Variants in CDH18 observed in about 807,000 individuals in gnomAD.
CDH18 encodes the protein cadherin 18.
A neutral mutation model predicts 67.9 loss-of-function variants in CDH18; 31 were observed. The observed-to-expected ratio is 0.46, with a 90% CI of 0.34 to 0.62. The LOEUF is 0.62. CDH18 is among the 20% of genes least tolerant of loss of function. The probability of loss-of-function intolerance (pLI) is 0.01; values close to 1 mark genes in which losing one functional copy is unlikely to be tolerated. For synonymous variants in CDH18, 362 were observed against 347.2 expected (o/e 1.04, Z -0.48); for missense variants, 890 against 975.5 (o/e 0.91, Z 1.17).
chr5:20,287,789 G>A (rs1029432190), intron 1 of CDH18, among the ~76,000 whole-genome samples: 8 of 151,386 alleles, frequency 5.3e-5, no homozygotes, highest in African/African-American at 1.5e-4. Context: ...ACAAATCAAC[G>A]TTGTGACTTC....
chr5:19,561,256 C>A (rs1397772641), intron 8 of CDH18, among the ~76,000 whole-genome samples: 1 of 152,072 alleles, frequency 6.6e-6, no homozygotes, highest in Non-Finnish European at 1.5e-5. Flanking sequence ...AGGGAACCAG[C>A]CCAAATGCCC....
chr5:20,284,392 T>A (rs1361975771), intron 1 of CDH18, among the ~76,000 whole-genome samples: 1 of 152,058 alleles, frequency 6.6e-6, no homozygotes, highest in Admixed American at 6.6e-5. Context: ...AAATAAAAAT[T>A]ATAAAAATGT....
At chr5:20,050,496 T>A (rs1741323535) in intron 2 of CDH18, among the ~76,000 whole-genome samples, 1 of 151,874 alleles carries the variant, frequency 6.6e-6, no homozygotes, top group Non-Finnish European at 1.5e-5. Flanking sequence ...TTGTAGTTAT[T>A]TTTGAAATGT....
chr5:20,449,654 A>G (rs1185887217), intron 1 of CDH18, among the ~76,000 whole-genome samples: 1 of 152,036 alleles, frequency 6.6e-6, no homozygotes, highest in Non-Finnish European at 1.5e-5. Flanking sequence ...GTATGTACAC[A>G]TTTATATGTA....
intron 2 of CDH18, among the ~76,000 whole-genome samples, chr5:19,960,586 T>TATATATATATACACACAC (rs1357426735): frequency 0.054 from 7,196 of 132,484 alleles, 864 homozygotes; most frequent in African/African-American, 0.2. Context: ...TGTGTGTGTG[T>TATATATATATACACACAC]GTGTATATAT....
chr5:20,504,818 A>G (rs1440562230), intron 1 of CDH18, among the ~76,000 whole-genome samples: 1 of 121,524 alleles, frequency 8.2e-6, no homozygotes, highest in Non-Finnish European at 1.6e-5. Flanking sequence ...CCCAGGCTGG[A>G]GTGCAGTGGC....
chr5:20,346,611 C>T (rs1740719880), intron 1 of CDH18, among the ~76,000 whole-genome samples: 1 of 152,098 alleles, frequency 6.6e-6, no homozygotes, highest in Non-Finnish European at 1.5e-5. Flanking sequence ...CTATACTGCA[C>T]AGTGGTGCGA....
chr5:20,104,265 A>G (rs1746731087), intron 2 of CDH18, among the ~76,000 whole-genome samples: 1 of 152,120 alleles, frequency 6.6e-6, no homozygotes, highest in Admixed American at 6.6e-5. Flanking sequence ...ATAGGCCTCT[A>G]CTGAACAAAT....
intron 1 of CDH18, among the ~76,000 whole-genome samples, chr5:20,276,098 G>C (rs1463029484): frequency 2.0e-5 from 3 of 152,190 alleles, no homozygotes; most frequent in Non-Finnish European, 4.4e-5. Flanking sequence ...ATCTTGAAAG[G>C]TAGTCTAGGC....
At chr5:19,692,764 T>A (rs1321364647) in intron 5 of CDH18, among the ~76,000 whole-genome samples, 1 of 151,760 alleles carries the variant, frequency 6.6e-6, no homozygotes, top group Admixed American at 6.6e-5. Context: ...AATAGGGAAC[T>A]CTTATATACT....
At chr5:19,507,168 T>C (rs1360003974) in intron 10 of CDH18, among the ~76,000 whole-genome samples, 2 of 152,186 alleles carry the variant, frequency 1.3e-5, no homozygotes, top group African/African-American at 4.8e-5. Context: ...TTATCATCAT[T>C]GGCCATCAGA....
At chr5:19,536,802 T>C (rs1169006551) in intron 9 of CDH18, among the ~76,000 whole-genome samples, 1 of 152,172 alleles carries the variant, frequency 6.6e-6, no homozygotes, top group Non-Finnish European at 1.5e-5. Flanking sequence ...TTTGTTCCCA[T>C]GGAACACACT....
At position 20,457,319 on chromosome 5, in the gene CDH18, A is replaced by G. The variant is rs899465956; in HGVS notation, c.-580+118143T>C. ...AAAAATTGCTGATGTTCAACCTCTG[A>G]CTTATAAAAGAAGCAATTTCAAGTG... is the stretch of plus-strand genomic sequence containing the variant. On this transcript the variant is annotated intron_variant, in intron 1 of 14. Transcript: ENST00000507958. 5.3e-5 allele frequency among the ~76,000 whole-genome samples: 8 copies of G among 152,340 alleles called. No homozygotes were observed. The South Asian group carries it at 1.7e-3, about 32-fold the overall frequency.
At chr5:20,376,675 C>T (rs546902434) in intron 1 of CDH18, among the ~76,000 whole-genome samples, 3 of 151,804 alleles carry the variant, frequency 2.0e-5, no homozygotes, top group African/African-American at 7.3e-5. Context: ...TGTTCCTAAA[C>T]GGTCTCCTTT....
chr5:19,483,236 T>G, intron 12 of CDH18, 65 bp downstream of exon 12: 1 of 1,499,090 alleles, frequency 6.7e-7, no homozygotes, highest in Non-Finnish European at 9.0e-7. Context: ...CCTTAAGATT[T>G]GTCAAAATGA....
intron 2 of CDH18, among the ~76,000 whole-genome samples, chr5:19,996,267 T>C (rs182983795): frequency 1.6e-3 from 246 of 152,196 alleles, no homozygotes; most frequent in Non-Finnish European, 2.5e-3. Flanking sequence ...ACATTTAATA[T>C]ATCAGATTTT....
chr5:20,218,451 A>T lies in CDH18; in HGVS notation c.-518+36993T>A, dbSNP rs552219015. 9.8e-4 allele frequency among the ~76,000 whole-genome samples: 149 copies of T among 152,178 alleles called. 1 individual carries two copies. The highest frequency in any genetic ancestry group is 3.5e-3 in the African/African-American group (144 of 41,538). On this transcript the variant is annotated intron_variant, in intron 2 of 14. Transcript: ENST00000507958. The stretch of plus-strand genomic sequence containing the variant: ...AATGAAGAGATTAAGAAGAAAATTT[A>T]AAAGTATATTGAAACAAATGATAAT...
intron 1 of CDH18, among the ~76,000 whole-genome samples, chr5:20,291,657 G>A (rs1180782585): frequency 6.6e-6 from 1 of 152,088 alleles, no homozygotes; most frequent in East Asian, 1.9e-4. Context: ...TAGATCTCTT[G>A]TCAGGGAATA....
chr5:19,532,282 A>G (rs1748746466), intron 9 of CDH18, among the ~76,000 whole-genome samples: 1 of 152,224 alleles, frequency 6.6e-6, no homozygotes, highest in South Asian at 2.1e-4. Flanking sequence ...CTATTGAAAT[A>G]CTAAATATTA....
Sources: allele counts gnomAD v4.1 joint callset (sites outside exome capture counted in the v4.1 genomes callset), GRCh38; gene constraint gnomAD v4.1.1; transcripts MANE v1.5; gene names NCBI Gene and HGNC (gene_info 2026-07-23, HGNC 2026-07-21).